PLBD1: variants seen among roughly 807,000 people sequenced by gnomAD.
PLBD1 encodes lysosomal leucine aminopeptidase.
In PLBD1, 60 loss-of-function variants were observed where a neutral mutation model predicts 63.0. That is an observed-to-expected ratio of 0.95 (90% CI 0.77 to 1.18). The LOEUF is 1.18. Among genes scored for constraint, PLBD1 ranks in the 50% most tolerant of loss-of-function variants. The pLI, the probability that PLBD1 is intolerant of heterozygous loss-of-function variation, is 0.00. For synonymous variants in PLBD1, 262 were observed against 248.0 expected, an observed-to-expected ratio of 1.06 and a Z score of -0.53; for missense variants, 598 against 677.9, an observed-to-expected ratio of 0.88 and a Z score of 1.31.
Position 14,511,266 on chromosome 12 carries a change from G to A in PLBD1, c.1180C>T (p.Arg394Trp), listed in dbSNP as rs1016572226. ...VEYSEQTDVL[R>W]KGYWPSYNVP... ...TACGACATGAAGAAAGTACCTTTCC[G>A]TAGAACATCAGTTTGTTCAGAATAT... is the stretch of plus-strand genomic sequence containing the variant. Residue 394 changes from arginine (R) to tryptophan (W), a missense_variant, in exon 8 of 11, where the codon CGG becomes TGG. Arg to Trp is a moderately radical substitution (Grantham distance 101). Coordinates refer to ENST00000240617, the MANE Select transcript of PLBD1 (RefSeq NM_024829.6). 5.0e-6 allele frequency: 8 copies of A among 1,589,494 alleles called. No homozygotes were observed. Among genetic ancestry groups the A allele is most frequent in the Admixed American group, 1.9e-5 (1 of 53,800 alleles).
intron 2 of PLBD1, 101 bp downstream of exon 2, chr12:14,553,092 T>A (rs984129884): frequency 9.3e-7 from 1 of 1,072,360 alleles, no homozygotes; most frequent in African/African-American, 1.6e-5. Context: ...CCAGCTACTC[T>A]TCAGTTCTAA....
chr12:14,540,319 T>C (rs1945561756), intron 4 of PLBD1, among the ~76,000 whole-genome samples: 1 of 151,758 alleles, frequency 6.6e-6, no homozygotes, highest in Non-Finnish European at 1.5e-5. Flanking sequence ...TTGGAAGCCT[T>C]AGTGATTCAG....
At chr12:14,517,629 C>T (rs1261998162) in intron 6 of PLBD1, among the ~76,000 whole-genome samples, 1 of 152,148 alleles carries the variant, frequency 6.6e-6, no homozygotes, top group African/African-American at 2.4e-5. Context: ...AAAATGCAGA[C>T]AAAATACCCT....
At chr12:14,565,709 A>G (rs1945775393) in intron 1 of PLBD1, among the ~76,000 whole-genome samples, 1 of 152,178 alleles carries the variant, frequency 6.6e-6, no homozygotes, top group South Asian at 2.1e-4. Context: ...AGAAGGGTAA[A>G]GACAAAGACC....
intron 2 of PLBD1, among the ~76,000 whole-genome samples, chr12:14,546,895 T>C (rs1382365945): frequency 6.6e-6 from 1 of 152,158 alleles, no homozygotes; most frequent in African/African-American, 2.4e-5. Flanking sequence ...TTTTTCTTTT[T>C]TTTCAGATGG....
chr12:14,553,059 T>C (rs1945672358), intron 2 of PLBD1, 134 bp downstream of exon 2: 2 of 818,254 alleles, frequency 2.4e-6, no homozygotes, highest in African/African-American at 3.4e-5. Flanking sequence ...ATTCTGATAA[T>C]GTCTCTATCA....
chr12:14,544,714 G>T (rs1189579919), intron 2 of PLBD1, among the ~76,000 whole-genome samples: 1 of 151,852 alleles, frequency 6.6e-6, no homozygotes, highest in African/African-American at 2.4e-5. Flanking sequence ...ATTGTATCTA[G>T]TCTAGGGTTT....
rs752663886 is a variant in PLBD1 at position 14,506,933 on chromosome 12, T to G, written c.1372A>C (p.Asn458His). The G allele has an allele frequency of 6.2e-7, 1 of 1,613,674 alleles. No individual in the cohort carries two copies. The highest frequency in any genetic ancestry group is 1.1e-5 in the South Asian group (1 of 91,036). The stretch of plus-strand genomic sequence containing the variant: ...GATTCTTGAGAAATATGCTACGTAC[T>G]GTTGTATCGCATGATATATTTCATG... ...ASMKYIMRYN[N>H]YKKDPYSRGD... The change falls in exon 9 of 11, where the codon AAT becomes CAT. Residue 458 changes from asparagine (N) to histidine (H), a missense_variant and splice_region_variant. Coordinates refer to ENST00000240617, the MANE Select transcript of PLBD1 (RefSeq NM_024829.6).
intron 4 of PLBD1, among the ~76,000 whole-genome samples, chr12:14,537,407 A>T (rs147032851): frequency 2.0e-5 from 3 of 152,350 alleles, no homozygotes; most frequent in Non-Finnish European, 4.4e-5. Flanking sequence ...AGGTACCAGC[A>T]GCAACTTCAC....
rs760188801 is a variant in PLBD1, at chr12:14,535,797, G to T, written c.706C>A (p.Pro236Thr). 1.9e-6 allele frequency: 3 copies of T among 1,613,396 alleles called. No individual in the cohort carries two copies. The African/African-American group carries it at 4.0e-5, about 22-fold the overall frequency. ...GCAAAAAGGATGTTCTCAAATCCAG[G>T]AAGAACCTACAGCCAGAATCATAGT... Reference protein sequence around the residue: ...GHCSALIKVLPGFENILFAHS... With the variant: ...GHCSALIKVLTGFENILFAHS... Residue 236 changes from proline to threonine, a missense_variant, in exon 6 of 11, where the codon CCT becomes ACT. Pro to Thr is a conservative substitution (Grantham distance 38, BLOSUM62 -1). Coordinates refer to ENST00000240617, the MANE Select transcript of PLBD1 (RefSeq NM_024829.6).
chr12:14,567,487 G>A (rs1214407197), intron 1 of PLBD1, 95 bp downstream of exon 1: 11 of 1,372,278 alleles, frequency 8.0e-6, no homozygotes, highest in Non-Finnish European at 9.4e-6. Context: ...CCAGACGCCC[G>A]CTGGACGTCA....
chr12:14,503,863 C>T lies in PLBD1; in HGVS notation c.1571G>A (p.Arg524His), dbSNP rs145413342. Residue 524 changes from arginine (R) to histidine (H), a missense_variant, in exon 11 of 11, where the codon CGT becomes CAT. Transcript: ENST00000240617. Reference sequence around the variant, plus strand: ...GCCCTGATGTAGAGTTTTGTTGAAACGGTCCCAGCGAAAAACAGGGAGGCC... The same window carrying T: ...GCCCTGATGTAGAGTTTTGTTGAAATGGTCCCAGCGAAAAACAGGGAGGCC... ...QGGLPVFRWD[R>H]FNKTLHQGMP... 1,616 of 1,613,712 alleles carry T rather than the reference C, an allele frequency of 1.0e-3. 13 individuals carry two copies. The African/African-American group carries it at 0.018, about 18-fold the overall frequency.
intron 6 of PLBD1, among the ~76,000 whole-genome samples, chr12:14,532,600 C>T (rs1226661726): frequency 6.6e-6 from 1 of 152,132 alleles, no homozygotes; most frequent in African/African-American, 2.4e-5. Context: ...ATCTGCTTAC[C>T]AGGACCAGGC....
At chr12:14,540,505 A>G (rs1052472445) in intron 4 of PLBD1, among the ~76,000 whole-genome samples, 1 of 152,122 alleles carries the variant, frequency 6.6e-6, no homozygotes, top group Non-Finnish European at 1.5e-5. Context: ...CATTCATACT[A>G]TGCTTTTTAA....
At chr12:14,514,952 G>T (rs1219540620) in intron 6 of PLBD1, among the ~76,000 whole-genome samples, 1 of 152,072 alleles carries the variant, frequency 6.6e-6, no homozygotes, top group Non-Finnish European at 1.5e-5. Flanking sequence ...AAACACTCCA[G>T]TGTTTTATGA....
rs1327772143 is a variant in PLBD1, at chr12:14,511,398, T to C, written c.1048A>G (p.Thr350Ala). The change falls in exon 8 of 11, where the codon ACC becomes GCC. Residue 350 changes from threonine (T) to alanine (A), a missense_variant and splice_region_variant. Thr to Ala is a moderately conservative substitution (Grantham distance 58). Transcript: ENST00000240617. ...AGAACCATGTATTGATTGTTATAGG[T>C]GCCTGAAATATCAGGAAACATGAAG... ...ADIFSKYNSG[T>A]YNNQYMVLDL... 5 of 1,613,082 alleles carry C rather than the reference T, an allele frequency of 3.1e-6. No individual in the cohort carries two copies. The highest frequency in any genetic ancestry group is 4.2e-6 in the Non-Finnish European group (5 of 1,179,570).
At chr12:14,560,260 T>C (rs1945735430) in intron 1 of PLBD1, among the ~76,000 whole-genome samples, 1 of 152,232 alleles carries the variant, frequency 6.6e-6, no homozygotes, top group African/African-American at 2.4e-5. Flanking sequence ...GCTTAAACTA[T>C]TCTCTCCCAT....
intron 2 of PLBD1, among the ~76,000 whole-genome samples, chr12:14,546,137 C>T (rs549757727): frequency 1.3e-5 from 2 of 152,126 alleles, no homozygotes; most frequent in South Asian, 2.1e-4. Flanking sequence ...GCCTTGGCAA[C>T]ATGGCAAAAC....
At chr12:14,518,261 A>C (rs1263387427) in intron 6 of PLBD1, among the ~76,000 whole-genome samples, 1 of 152,210 alleles carries the variant, frequency 6.6e-6, no homozygotes, top group South Asian at 2.1e-4. Flanking sequence ...TAGGGGCTAA[A>C]CACATATTCA....
Sources: allele counts gnomAD v4.1 joint callset (sites outside exome capture counted in the v4.1 genomes callset), GRCh38; gene constraint gnomAD v4.1.1; transcripts MANE v1.5; gene names NCBI Gene and HGNC (gene_info 2026-07-23, HGNC 2026-07-21).